Variants in TEKTIP1 observed in about 807,000 individuals in gnomAD.
TEKTIP1 encodes the protein tektin bundle-interacting protein 1.
the TEKTIP1 span, chr19:3,539,448 T>C: frequency 1.6e-5 from 9 of 579,136 alleles, no homozygotes; most frequent in South Asian, 1.7e-4. Context: ...CTGTGGGGGC[T>C]ACAGACCTGG....
the TEKTIP1 span, chr19:3,543,078 G>A: frequency 6.3e-7 from 1 of 1,580,416 alleles, no homozygotes; most frequent in Non-Finnish European, 8.6e-7. Flanking sequence ...TCTGGGGTGA[G>A]GGGTACAGGG....
At chr19:3,542,288 G>GGAGTC in the TEKTIP1 span, 1 of 985,350 alleles carries the variant, frequency 1.0e-6, no homozygotes, top group Non-Finnish European at 1.2e-6. Context: ...TGGGCACCTG[G>GGAGTC]GAGTCTAGTC....
the TEKTIP1 span, chr19:3,543,540 C>T: frequency 6.5e-7 from 1 of 1,526,914 alleles, no homozygotes; most frequent in South Asian, 1.2e-5. Flanking sequence ...ACCGCCAGCC[C>T]CCGCCCCACC....
At chr19:3,543,800 G>A in the TEKTIP1 span, 6 of 1,501,660 alleles carry the variant, frequency 4.0e-6, no homozygotes, top group South Asian at 1.3e-5. Flanking sequence ...GGAGGTGGGG[G>A]CACATGGTGA....
At chr19:3,539,610 C>T in the TEKTIP1 span, 1 of 264,138 alleles carries the variant, frequency 3.8e-6, no homozygotes, top group South Asian at 1.2e-4. Context: ...ACACCTCTTG[C>T]AGCCCGTGGT....
the TEKTIP1 span, chr19:3,540,089 C>CTTTTTTTTTTTTTTTTTT: frequency 3.4e-5 from 3 of 88,198 alleles, no homozygotes; most frequent in African/African-American, 1.2e-4. Flanking sequence ...CATCTCTTTT[C>CTTTTTTTTTTTTTTTTTT]TTTTTTTTTT....
the TEKTIP1 span, chr19:3,542,322 A>C: frequency 2.5e-5 from 25 of 985,254 alleles, no homozygotes; most frequent in Non-Finnish European, 2.9e-5. Context: ...AGTTCCTGCC[A>C]TGAGAGCTGG....
the TEKTIP1 span, chr19:3,539,522 C>T: frequency 1.6e-5 from 8 of 489,264 alleles, no homozygotes; most frequent in African/African-American, 7.7e-5. Flanking sequence ...CTGGGAGCTT[C>T]GGCCACAGAA....
At chr19:3,543,070 TG>T in the TEKTIP1 span, 3 of 1,591,336 alleles carry the variant, frequency 1.9e-6, no homozygotes, top group Non-Finnish European at 1.7e-6. Context: ...GCACCCACTC[TG>T]GGGTGAGGGG....
chr19:3,543,419 G>A, the TEKTIP1 span: 1 of 1,546,718 alleles, frequency 6.5e-7, no homozygotes. Context: ...CTTCCGCGAG[G>A]CCTACAACCG....
the TEKTIP1 span, chr19:3,542,856 G>A: frequency 7.2e-7 from 1 of 1,383,626 alleles, no homozygotes; most frequent in Non-Finnish European, 9.7e-7. Flanking sequence ...TGCACCTCCA[G>A]GCCAGGGGGG....
the TEKTIP1 span, chr19:3,542,143 T>A: frequency 4.1e-6 from 4 of 985,406 alleles, no homozygotes; most frequent in Non-Finnish European, 4.8e-6. Flanking sequence ...TTTTAAAAGC[T>A]ACATGTGTCT....
chr19:3,539,205 C>G, the TEKTIP1 span: 33 of 1,549,480 alleles, frequency 2.1e-5, no homozygotes, highest in African/African-American at 2.8e-5. Flanking sequence ...AGAGGCTGCA[C>G]GGCCCTGTAT....
chr19:3,542,423 C>T, the TEKTIP1 span: 22 of 985,408 alleles, frequency 2.2e-5, 1 homozygote, highest in South Asian at 7.0e-4. Context: ...GGATGACTTC[C>T]TTGGGACATA....
At chr19:3,541,387 A>G in the TEKTIP1 span, among the ~76,000 whole-genome samples, 43 of 149,704 alleles carry the variant, frequency 2.9e-4, no homozygotes, top group Admixed American at 5.3e-4. Flanking sequence ...CAGTGGAATG[A>G]TCTCAGCTCA....
chr19:3,540,580 T>A, the TEKTIP1 span, among the ~76,000 whole-genome samples: 6 of 151,460 alleles, frequency 4.0e-5, no homozygotes, highest in African/African-American at 1.2e-4. Flanking sequence ...CTATAAAAAA[T>A]TTAAAAATCA....
At chr19:3,542,324 G>T in the TEKTIP1 span, 1 of 985,398 alleles carries the variant, frequency 1.0e-6, no homozygotes. Flanking sequence ...TTCCTGCCAT[G>T]AGAGCTGGAA....
At chr19:3,543,753 C>T in the TEKTIP1 span, 120 of 1,490,626 alleles carry the variant, frequency 8.1e-5, no homozygotes, top group Middle Eastern at 4.5e-4. Flanking sequence ...TGAAACTGCC[C>T]GGGGCGATCC....
chr19:3,542,857 G>T, the TEKTIP1 span: 18 of 1,384,072 alleles, frequency 1.3e-5, 1 homozygote, highest in South Asian at 1.9e-4. Context: ...GCACCTCCAG[G>T]CCAGGGGGGC....
Sources: allele counts gnomAD v4.1 joint callset (sites outside exome capture counted in the v4.1 genomes callset), GRCh38; gene constraint gnomAD v4.1.1; transcripts MANE v1.5; gene names NCBI Gene and HGNC (gene_info 2026-07-23, HGNC 2026-07-21).